The following TACR1 variants were observed in gnomAD, a reference collection of about 807,000 sequenced individuals.
TACR1 encodes substance-P receptor.
Under a neutral mutation model 35.8 loss-of-function variants are expected in TACR1, and 25 were observed. The ratio of observed to expected loss-of-function variants is 0.70; its 90% CI spans 0.51 to 0.98. The LOEUF (loss-of-function observed/expected upper bound fraction) is 0.98, where lower values mean the gene tolerates loss of function less well. Among genes scored for constraint, TACR1 ranks in the 50% least tolerant of loss-of-function variants. The pLI, the probability that TACR1 is intolerant of heterozygous loss-of-function variation, is 0.00. For missense variants in TACR1, 478 were observed against 522.9 expected, an observed-to-expected ratio of 0.91 and a Z score of 0.84; for synonymous variants, 195 against 206.7, an observed-to-expected ratio of 0.94 and a Z score of 0.48.
chr2:75,089,971 A>G (rs1572923453), intron 2 of TACR1, among the ~76,000 whole-genome samples: 1 of 152,208 alleles, frequency 6.6e-6, no homozygotes, highest in South Asian at 2.1e-4. Flanking sequence ...CATCAAAATC[A>G]TCATCATCAC....
chr2:75,184,535 AC>A (rs935831954), intron 1 of TACR1, among the ~76,000 whole-genome samples: 2 of 151,936 alleles, frequency 1.3e-5, no homozygotes, highest in African/African-American at 4.8e-5. Flanking sequence ...GAGAAAAAAA[AC>A]CAGAAAAATC....
intron 1 of TACR1, among the ~76,000 whole-genome samples, chr2:75,192,689 G>A (rs538976814): frequency 1.3e-5 from 2 of 152,256 alleles, no homozygotes; most frequent in African/African-American, 4.8e-5. Context: ...GCACATAAAA[G>A]CAAATTGCAT....
chr2:75,095,221 C>T (rs897889250), intron 2 of TACR1, among the ~76,000 whole-genome samples: 1 of 152,126 alleles, frequency 6.6e-6, no homozygotes, highest in African/African-American at 2.4e-5. Flanking sequence ...CTGGATTTCA[C>T]CCTTTTCTTG....
intron 1 of TACR1, among the ~76,000 whole-genome samples, chr2:75,190,879 A>G (rs1418020908): frequency 2.6e-5 from 4 of 152,232 alleles, no homozygotes; most frequent in African/African-American, 9.6e-5. Flanking sequence ...GGCACTCAAC[A>G]GGGAATCCCA....
chr2:75,072,511 T>TCTAACC (rs897469647), intron 2 of TACR1, among the ~76,000 whole-genome samples: 1 of 152,198 alleles, frequency 6.6e-6, no homozygotes, highest in Non-Finnish European at 1.5e-5. Context: ...AAAGCCCAAC[T>TCTAACC]CTAACCCTAA....
At chr2:75,098,621 A>G (rs2103867173) in intron 2 of TACR1, among the ~76,000 whole-genome samples, 1 of 152,244 alleles carries the variant, frequency 6.6e-6, no homozygotes, top group South Asian at 2.1e-4. Context: ...AGAGACTTCC[A>G]GGCTTCAGTC....
chr2:75,157,815 A>G (rs1471670632), intron 1 of TACR1, among the ~76,000 whole-genome samples: 2 of 152,260 alleles, frequency 1.3e-5, no homozygotes, highest in Admixed American at 6.5e-5. Flanking sequence ...GATGTGGGAA[A>G]TAGACTGAAA....
intron 1 of TACR1, among the ~76,000 whole-genome samples, chr2:75,164,907 G>A (rs2104000964): frequency 6.6e-6 from 1 of 152,320 alleles, no homozygotes; most frequent in African/African-American, 2.4e-5. Flanking sequence ...CATAGATAGA[G>A]CAAAGTCAAG....
intron 1 of TACR1, among the ~76,000 whole-genome samples, chr2:75,180,906 G>C (rs1675544617): frequency 6.6e-6 from 1 of 152,198 alleles, no homozygotes; most frequent in African/African-American, 2.4e-5. Context: ...AATTTCTACA[G>C]TGGATATTGC....
At chr2:75,158,213 G>C (rs1465529119) in intron 1 of TACR1, among the ~76,000 whole-genome samples, 1 of 152,162 alleles carries the variant, frequency 6.6e-6, no homozygotes, top group Non-Finnish European at 1.5e-5. Context: ...TCCTATGGAC[G>C]AAGATCGAGC....
intron 2 of TACR1, among the ~76,000 whole-genome samples, chr2:75,110,164 G>A (rs1429087931): frequency 6.6e-6 from 1 of 152,018 alleles, no homozygotes; most frequent in Non-Finnish European, 1.5e-5. Context: ...AAATCAGATG[G>A]TATCAGATTT....
chr2:75,181,384 G>GA (rs1041459020), intron 1 of TACR1, among the ~76,000 whole-genome samples: 126 of 150,244 alleles, frequency 8.4e-4, no homozygotes, highest in African/African-American at 2.7e-3. Context: ...TCATTAAGGG[G>GA]AAAAAAAAAT....
intron 1 of TACR1, among the ~76,000 whole-genome samples, chr2:75,155,371 T>C (rs1674819962): frequency 1.3e-5 from 2 of 152,108 alleles, no homozygotes; most frequent in African/African-American, 4.8e-5. Context: ...GCCTCTCTTC[T>C]CCTCTCCTCT....
chr2:75,160,912 C>A lies in TACR1; in HGVS notation c.389+37634G>T, dbSNP rs537014922. Reference sequence around the variant, plus strand: ...TTCAATGGTAAGGAAAGAATTCTACCAGCCATCCAAGAAGGTAAACATTTT... The same window carrying A: ...TTCAATGGTAAGGAAAGAATTCTACAAGCCATCCAAGAAGGTAAACATTTT... On this transcript the variant is annotated intron_variant, in intron 1 of 4. Coordinates refer to ENST00000305249, the MANE Select transcript of TACR1 (RefSeq NM_001058.4). Among the ~76,000 whole-genome samples the A allele has an allele frequency of 2.3e-4, 35 of 151,098 alleles. No individual in the cohort carries two copies. In the South Asian group the frequency reaches 2.9e-3, roughly 13 times the overall value.
chr2:75,191,851 A>G (rs961217973), intron 1 of TACR1, among the ~76,000 whole-genome samples: 1 of 152,020 alleles, frequency 6.6e-6, no homozygotes, highest in Non-Finnish European at 1.5e-5. Flanking sequence ...TTTAATGAGT[A>G]CCTACTCTGT....
intron 1 of TACR1, among the ~76,000 whole-genome samples, chr2:75,195,056 AG>A (rs1410584296): frequency 1.3e-5 from 2 of 152,024 alleles, no homozygotes; most frequent in East Asian, 3.9e-4. Flanking sequence ...GGGGCTGTTG[AG>A]GGGGGAGTCA....
At chr2:75,054,154 G>T (rs938781697) in intron 2 of TACR1, among the ~76,000 whole-genome samples, 1 of 152,148 alleles carries the variant, frequency 6.6e-6, no homozygotes, top group Non-Finnish European at 1.5e-5. Flanking sequence ...ATTAATAGAA[G>T]TATAGTCTCT....
intron 1 of TACR1, among the ~76,000 whole-genome samples, chr2:75,137,931 T>G (rs1674331934): frequency 1.3e-5 from 2 of 151,988 alleles, no homozygotes; most frequent in Admixed American, 6.6e-5. Context: ...CATTCCAGAG[T>G]ATTAAGCATA....
chr2:75,081,328 C>T (rs77711260), intron 2 of TACR1, among the ~76,000 whole-genome samples: 1,778 of 152,230 alleles, frequency 0.012, 25 homozygotes, highest in African/African-American at 0.04. Context: ...AGGGGTCCCA[C>T]GAAGGCTCTT....
Sources: allele counts gnomAD v4.1 joint callset (sites outside exome capture counted in the v4.1 genomes callset), GRCh38; gene constraint gnomAD v4.1.1; transcripts MANE v1.5; gene names NCBI Gene and HGNC (gene_info 2026-07-23, HGNC 2026-07-21).